NCAM2: variants seen among roughly 807,000 people sequenced by gnomAD.
NCAM2 encodes the protein neural cell adhesion molecule 2.
NCAM2 carries 30 observed loss-of-function variants against 98.1 expected under a neutral mutation model. That is an observed-to-expected ratio of 0.31 (90% CI 0.23 to 0.41). The LOEUF (loss-of-function observed/expected upper bound fraction) is 0.41. NCAM2 is among the 10% of genes least tolerant of loss of function. The pLI, the probability that NCAM2 is intolerant of heterozygous loss-of-function variation, is 1.00. For synonymous variants in NCAM2, 368 were observed against 342.4 expected (o/e 1.07, Z -0.83); for missense variants, 867 against 1,005.8 (o/e 0.86, Z 1.87).
intron 8 of NCAM2, among the ~76,000 whole-genome samples, chr21:21,360,364 A>G (rs1373424981): frequency 6.6e-6 from 1 of 152,024 alleles, no homozygotes; most frequent in African/African-American, 2.4e-5. Flanking sequence ...TTTCTTCGCT[A>G]TGATATTATA....
At chr21:21,396,190 G>A (rs1187417355) in intron 9 of NCAM2, among the ~76,000 whole-genome samples, 1 of 151,784 alleles carries the variant, frequency 6.6e-6, no homozygotes, top group Admixed American at 6.6e-5. Context: ...TCAATAAGTG[G>A]GCTAAGGACA....
At chr21:21,528,534 T>C (rs1989451400) in intron 16 of NCAM2, among the ~76,000 whole-genome samples, 1 of 152,166 alleles carries the variant, frequency 6.6e-6, no homozygotes, top group Non-Finnish European at 1.5e-5. Context: ...ACAAATGGAA[T>C]TTTAAAATTA....
At chr21:21,332,222 G>T (rs2074734358) in intron 6 of NCAM2, among the ~76,000 whole-genome samples, 2 of 152,024 alleles carry the variant, frequency 1.3e-5, no homozygotes, top group South Asian at 4.1e-4. Context: ...ATTTTTAATT[G>T]GGTTCCAGAC....
chr21:21,177,064 C>A (rs1569112251), intron 1 of NCAM2, among the ~76,000 whole-genome samples: 1 of 152,026 alleles, frequency 6.6e-6, no homozygotes, highest in Non-Finnish European at 1.5e-5. Context: ...TCTGTAAAGG[C>A]AATTTCAGCC....
intron 1 of NCAM2, among the ~76,000 whole-genome samples, chr21:21,016,263 G>A (rs534169292): frequency 6.6e-6 from 1 of 152,232 alleles, no homozygotes; most frequent in South Asian, 2.1e-4. Context: ...GAAGAATGAA[G>A]GATCGAGAAT....
intron 1 of NCAM2, among the ~76,000 whole-genome samples, chr21:21,198,398 G>A (rs927262182): frequency 6.6e-6 from 1 of 151,990 alleles, no homozygotes; most frequent in African/African-American, 2.4e-5. Context: ...AAGTTGGCCG[G>A]AATGTACTTT....
At chr21:21,320,171 G>T (rs898734549) in intron 5 of NCAM2, among the ~76,000 whole-genome samples, 1 of 152,072 alleles carries the variant, frequency 6.6e-6, no homozygotes, top group South Asian at 2.1e-4. Context: ...CCCAAAATTT[G>T]CTATTCGTCA....
chr21:21,126,417 T>C (rs1357392865), intron 1 of NCAM2, among the ~76,000 whole-genome samples: 1 of 151,942 alleles, frequency 6.6e-6, no homozygotes, highest in Non-Finnish European at 1.5e-5. Flanking sequence ...CACAGGTATG[T>C]ACATTCAGTT....
intron 1 of NCAM2, among the ~76,000 whole-genome samples, chr21:21,248,337 C>G (rs572774458): frequency 6.6e-6 from 1 of 151,966 alleles, no homozygotes; most frequent in African/African-American, 2.4e-5. Context: ...AATATTCCCT[C>G]ATCATTTAAA....
At chr21:21,476,173 T>G (rs1384345063) in intron 14 of NCAM2, among the ~76,000 whole-genome samples, 2 of 152,140 alleles carry the variant, frequency 1.3e-5, no homozygotes, top group Non-Finnish European at 2.9e-5. Flanking sequence ...AAAAGACATG[T>G]CTGCATCTAT....
intron 1 of NCAM2, among the ~76,000 whole-genome samples, chr21:21,248,620 C>CAAAAAATACA (rs2147274347): frequency 6.6e-6 from 1 of 151,160 alleles, no homozygotes; most frequent in Non-Finnish European, 1.5e-5. Flanking sequence ...ACTAAAAATA[C>CAAAAAATACA]AAAAAAATTA....
intron 1 of NCAM2, among the ~76,000 whole-genome samples, chr21:21,272,644 G>C (rs1409761319): frequency 6.6e-6 from 1 of 151,822 alleles, no homozygotes; most frequent in Non-Finnish European, 1.5e-5. Flanking sequence ...AATGAAGAGA[G>C]ACATATTTAA....
chr21:21,367,652 C>G (rs1379454112), intron 8 of NCAM2, among the ~76,000 whole-genome samples: 1 of 151,900 alleles, frequency 6.6e-6, no homozygotes, highest in Non-Finnish European at 1.5e-5. Context: ...TTGCTTAGAT[C>G]TGCATATCAG....
At chr21:21,013,267 C>G (rs538433063) in intron 1 of NCAM2, among the ~76,000 whole-genome samples, 4 of 152,348 alleles carry the variant, frequency 2.6e-5, no homozygotes, top group South Asian at 4.1e-4. Context: ...AAAAAAGCCA[C>G]TCCAGTGAAT....
chr21:21,094,953 C>T (rs181622232), intron 1 of NCAM2, among the ~76,000 whole-genome samples: 5 of 151,692 alleles, frequency 3.3e-5, no homozygotes, highest in Non-Finnish European at 7.4e-5. Context: ...TTAAGTTCCT[C>T]TGAACATTGA....
At chr21:21,218,854 G>A (rs2070018177) in intron 1 of NCAM2, among the ~76,000 whole-genome samples, 1 of 152,184 alleles carries the variant, frequency 6.6e-6, no homozygotes, top group African/African-American at 2.4e-5. Flanking sequence ...GTCTAGCCTG[G>A]CCAACATGGT....
In NCAM2 at chr21:21,318,681, C is replaced by T. The variant is rs570098089; in HGVS notation, c.620-5702C>T. The stretch of plus-strand genomic sequence containing the variant: ...CAACATATTAAATATTCATTTACCA[C>T]TTTACCTATGAATTTCAATTATGGT... On this transcript the variant is annotated intron_variant, in intron 5 of 17. Transcript: ENST00000400546. 6.6e-5 allele frequency among the ~76,000 whole-genome samples: 10 copies of T among 152,228 alleles called. No homozygotes were observed. The South Asian group carries it at 2.1e-3, about 31-fold the overall frequency.
intron 8 of NCAM2, among the ~76,000 whole-genome samples, chr21:21,360,712 C>A (rs2075623717): frequency 1.3e-5 from 2 of 151,740 alleles, no homozygotes; most frequent in Admixed American, 6.6e-5. Flanking sequence ...ACATTTCTGG[C>A]AAAACACAAG....
chr21:21,065,012 T>C (rs760836490), intron 1 of NCAM2, among the ~76,000 whole-genome samples: 15 of 151,956 alleles, frequency 9.9e-5, no homozygotes, highest in Non-Finnish European at 1.6e-4. Context: ...AAACCCCGTC[T>C]CTACTAAAAA....
Sources: allele counts gnomAD v4.1 joint callset (sites outside exome capture counted in the v4.1 genomes callset), GRCh38; gene constraint gnomAD v4.1.1; transcripts MANE v1.5; gene names NCBI Gene and HGNC (gene_info 2026-07-23, HGNC 2026-07-21).